The following MAN2C1 variants were observed in gnomAD, a reference collection of about 807,000 sequenced individuals.
MAN2C1 encodes mannosidase alpha class 2C member 1.
A neutral mutation model predicts 126.9 loss-of-function variants in MAN2C1; 111 were observed. The observed-to-expected ratio is 0.87, with a 90% CI of 0.75 to 1.02. The LOEUF (loss-of-function observed/expected upper bound fraction) is 1.02, where lower values mean the gene tolerates loss of function less well. MAN2C1 is among the 50% of genes least tolerant of loss of function. MAN2C1 has a pLI of 0.00. For missense variants in MAN2C1, 1,363 were observed against 1,364.4 expected (o/e 1.00, Z 0.02); for synonymous variants, 567 against 561.5 (o/e 1.01, Z -0.14).
Position 75,359,789 on chromosome 15 carries a change from G to A in MAN2C1, c.1793-14C>T. 1.9e-6 allele frequency: 3 copies of A among 1,613,798 alleles called. No individual in the cohort carries two copies. Among genetic ancestry groups the A allele is most frequent in the Non-Finnish European group, 2.5e-6 (3 of 1,179,918 alleles). On this transcript the variant is annotated splice_polypyrimidine_tract_variant and intron_variant, in intron 15 of 25. Transcript: ENST00000267978. ...GGGAACGGATGTCTGAGGAAAGACT[G>A]GCTGGTCATAGGTGGGCAACAGGTC... is the stretch of plus-strand genomic sequence containing the variant.
chr15:75,367,204 G>T (rs538288808), intron 3 of MAN2C1, among the ~76,000 whole-genome samples: 1 of 151,972 alleles, frequency 6.6e-6, no homozygotes, highest in African/African-American at 2.4e-5. Flanking sequence ...ACCTGATAAG[G>T]GTGGAGCATG....
Position 75,368,549 on chromosome 15 carries a change from G to A in MAN2C1, c.35C>T (p.Thr12Ile). ...AAAPALKHWR[T>I]TLERVEKFVS... ...GAACTTCTCCACCCGCTCCAGCGTG[G>A]TGCGCCAGTGCTTCAAGGCCGGCGC... is the stretch of plus-strand genomic sequence containing the variant. Residue 12 changes from threonine to isoleucine, a missense_variant, in exon 1 of 26, where the codon ACC becomes ATC. Physicochemically the swap from Thr to Ile is moderately conservative, Grantham distance 89 (BLOSUM62 -1). Around this residue, in one of 3 missense-constraint regions of MAN2C1, gnomAD observed 628 missense variants for 609.8 expected, o/e 1.03. Transcript: ENST00000267978. 6.4e-7 allele frequency: 1 copy of A among 1,552,512 alleles called. No individual in the cohort carries two copies. The highest frequency in any genetic ancestry group is 8.7e-7 in the Non-Finnish European group (1 of 1,149,168).
At chr15:75,367,930 G>T in intron 2 of MAN2C1, 143 bp downstream of exon 2, 1 of 1,147,468 alleles carries the variant, frequency 8.7e-7, no homozygotes, top group South Asian at 1.6e-5. Context: ...GTTCCCAGCA[G>T]AGGGTGCTGC....
intron 6 of MAN2C1, 139 bp downstream of exon 6, chr15:75,363,860 G>T: frequency 2.3e-6 from 2 of 885,344 alleles, no homozygotes; most frequent in Non-Finnish European, 3.4e-6. Flanking sequence ...CAGCCCCCCG[G>T]CCCCGTTTTA....
rs150474330 is a variant in MAN2C1, at chr15:75,363,139, G to A, written c.791-391C>T. On this transcript the variant is annotated intron_variant, in intron 6 of 25. Transcript: ENST00000267978. ...GGATGGAGCCAGCTGTCCTACCAGAGGTGCTACAGCCTCTCCTGACTCCCA... is the reference window on the plus strand; with the variant it reads ...GGATGGAGCCAGCTGTCCTACCAGAAGTGCTACAGCCTCTCCTGACTCCCA... The A allele has an allele frequency of 2.2e-3, 1,018 of 455,618 alleles. 3 individuals are homozygous for A. The highest frequency in any genetic ancestry group is 3.0e-3 in the Middle Eastern group (9 of 2,974). The allele number at this position is 455,618 out of a possible 1,614,324, so 28.2% of individuals were successfully genotyped here.
rs1426860857 is a variant in MAN2C1, at chr15:75,361,390, A to T, written c.1219-9T>A. On this transcript the variant is annotated splice_polypyrimidine_tract_variant and intron_variant, in intron 10 of 25. Coordinates refer to ENST00000267978, the MANE Select transcript of MAN2C1 (RefSeq NM_006715.4). The surrounding 1 kb of genome is among the most constrained non-coding windows in gnomAD (Gnocchi z 5.0). ...CAGAAAAATGTATGGTGCTACCAGC[A>T]GGGAAACAGAAGCAGGGCAGAGAGG... is the stretch of plus-strand genomic sequence containing the variant. 3.2e-6 allele frequency: 5 copies of T among 1,557,668 alleles called. No individual in the cohort carries two copies.
chr15:75,358,941 G>T, intron 18 of MAN2C1, 118 bp downstream of exon 18: 1 of 1,473,748 alleles, frequency 6.8e-7, no homozygotes, highest in South Asian at 1.2e-5. Context: ...CTCCATGTGT[G>T]GGTTCCAGCC....
chr15:75,363,831 G>T, intron 6 of MAN2C1, 168 bp downstream of exon 6: 1 of 674,784 alleles, frequency 1.5e-6, no homozygotes, highest in Non-Finnish European at 2.4e-6. Context: ...TGAATCCAAA[G>T]CAAGCAGAGC....
chr15:75,362,151 T>C lies in MAN2C1; in HGVS notation c.1008+192A>G. Reference sequence around the variant, plus strand: ...GCCCAGGACTAGGCCATGCAACTTGTCACAGCGCTGGAGGCTCTCCTCCCC... The same window carrying C: ...GCCCAGGACTAGGCCATGCAACTTGCCACAGCGCTGGAGGCTCTCCTCCCC... On this transcript the variant is annotated intron_variant, in intron 8 of 25. Transcript: ENST00000267978. The surrounding 1 kb of genome is among the most constrained non-coding windows in gnomAD (Gnocchi z 4.5). 1.5e-6 allele frequency: 1 copy of C among 662,492 alleles called. No individual in the cohort carries two copies. The highest frequency in any genetic ancestry group is 1.8e-5 in the South Asian group (1 of 54,982). The allele number at this position is 662,492 out of a possible 1,614,324, so 41.0% of individuals were successfully genotyped here.
Position 75,359,792 on chromosome 15 carries a change from T to G in MAN2C1, c.1793-17A>C, listed in dbSNP as rs2072429162. 6.2e-7 allele frequency: 1 copy of G among 1,613,674 alleles called. No homozygotes were observed. The highest frequency in any genetic ancestry group is 1.1e-5 in the South Asian group (1 of 91,084). On this transcript the variant is annotated splice_polypyrimidine_tract_variant and intron_variant, in intron 15 of 25. Coordinates refer to ENST00000267978, the MANE Select transcript of MAN2C1 (RefSeq NM_006715.4). ...AACGGATGTCTGAGGAAAGACTGGC[T>G]GGTCATAGGTGGGCAACAGGTCTGG... is the stretch of plus-strand genomic sequence containing the variant.
At position 75,367,625 on chromosome 15, in the gene MAN2C1, G is replaced by A; in HGVS notation, c.237C>T (p.Thr79=). The A allele has an allele frequency of 6.2e-7, 1 of 1,614,146 alleles. No homozygotes were observed. Among genetic ancestry groups the A allele is most frequent in the Non-Finnish European group, 8.5e-7 (1 of 1,180,004 alleles). ...TGGTCAGCTCCACCCGGAACCAGCAGGTCCACCATCTGCAAGAGAGCTGTT... is the reference window on the plus strand; with the variant it reads ...TGGTCAGCTCCACCCGGAACCAGCAAGTCCACCATCTGCAAGAGAGCTGTT... ...VGDSFGPTWW[T]CWFRVELTIP... Residue 79 remains threonine, a synonymous_variant, in exon 3 of 26, where the codon ACC becomes ACT. Coordinates refer to ENST00000267978, the MANE Select transcript of MAN2C1 (RefSeq NM_006715.4).
At chr15:75,363,858 C>T (rs1361777185) in intron 6 of MAN2C1, 141 bp downstream of exon 6, 29 of 878,888 alleles carry the variant, frequency 3.3e-5, no homozygotes, top group Middle Eastern at 2.2e-4. Context: ...TCCAGCCCCC[C>T]GGCCCCGTTT....
In MAN2C1 at chr15:75,361,146, G is replaced by T. The variant is rs1275333381; in HGVS notation, c.1360C>A (p.His454Asn). Residue 454 changes from histidine to asparagine, a missense_variant, in exon 12 of 26, where the codon CAC becomes AAC. His to Asn is a moderately conservative substitution (Grantham distance 68). Coordinates refer to ENST00000267978, the MANE Select transcript of MAN2C1 (RefSeq NM_006715.4). This position sits in a 1 kb window ranked among gnomAD's most constrained non-coding sequence, Gnocchi z 5.0. ...ANNRDKGRAN[H>N]SAFLFGFGDG... ...CCAAAGCCAAAGAGGAAGGCACTGT[G>T]GTTGGCCCGCCCCTTGTCCCGGTTG... 6.2e-7 allele frequency: 1 copy of T among 1,613,396 alleles called. No homozygotes were observed.
At chr15:75,367,781 C>A in intron 2 of MAN2C1, 147 bp from the exon 3 acceptor site, 1 of 1,077,388 alleles carries the variant, frequency 9.3e-7, no homozygotes, top group Non-Finnish European at 1.3e-6. Flanking sequence ...AAAGGAGCAA[C>A]AAGGTGAGAA....
rs777041550 is a variant in MAN2C1, at chr15:75,358,340, T to C, written c.2408A>G (p.His803Arg). 2.5e-6 allele frequency: 4 copies of C among 1,614,078 alleles called. No homozygotes were observed. Among genetic ancestry groups the C allele is most frequent in the Non-Finnish European group, 3.4e-6 (4 of 1,180,018 alleles). ...CAGGAACTTGTGGGCCTCATGCCAG[T>C]GTACCTGGGAGTGGGAAGGAGGGTG... ...CPYVRFHTEV[H>R]WHEAHKFLKV... Residue 803 changes from histidine to arginine, a missense_variant, in exon 21 of 26, where the codon CAC (histidine) becomes CGC (arginine). Coordinates refer to ENST00000267978, the MANE Select transcript of MAN2C1 (RefSeq NM_006715.4).
At position 75,356,151 on chromosome 15, in the gene MAN2C1, G is replaced by C. The variant is rs1345822194; in HGVS notation, c.2955C>G (p.Asp985Glu). The C allele has an allele frequency of 6.2e-7, 1 of 1,613,702 alleles. No individual in the cohort carries two copies. The highest frequency in any genetic ancestry group is 2.2e-5 in the East Asian group (1 of 44,878). ...RLYEAHGSHV[D>E]CWLHLSLPVQ... ...CCGGCAGCGACAAGTGCAGCCAGCA[G>C]TCCACGTGGCTGCCGTGGGCCTCAT... The change falls in exon 25 of 26, where the codon GAC becomes GAG. Residue 985 changes from aspartate to glutamate, a missense_variant. Transcript: ENST00000267978. The surrounding 1 kb of genome is among the most constrained non-coding windows in gnomAD (Gnocchi z 5.8).
At chr15:75,367,436 G>A in intron 3 of MAN2C1, 75 bp downstream of exon 3, 18 of 1,554,068 alleles carry the variant, frequency 1.2e-5, no homozygotes, top group Non-Finnish European at 1.6e-5. Flanking sequence ...CTTCTCCAGA[G>A]TCCACAGAAG....
intron 13 of MAN2C1, 134 bp downstream of exon 13, chr15:75,360,431 C>T (rs2072443340): frequency 7.2e-7 from 1 of 1,397,398 alleles, no homozygotes; most frequent in Non-Finnish European, 9.6e-7. Flanking sequence ...TTGACCAACC[C>T]AGGTCTTGAA....
intron 3 of MAN2C1, 151 bp from the exon 4 acceptor site, chr15:75,366,743 T>A (rs760642073): frequency 5.3e-6 from 3 of 566,876 alleles, no homozygotes; most frequent in Non-Finnish European, 9.3e-6. Context: ...TCAGGGACCC[T>A]TGGCAGTAGA....
Sources: gnomAD v4.1 joint callset for allele counts (sites outside exome capture counted in the v4.1 genomes callset) on GRCh38, gnomAD v4.1.1 for gene constraint, gnomAD v4.1.1 regional missense constraint, Gnocchi (gnomAD v3.1) non-coding constraint, MANE v1.5 for transcripts, NCBI Gene and HGNC (gene_info 2026-07-23, HGNC 2026-07-21) for gene names.